FYB1: variants seen among roughly 807,000 people sequenced by gnomAD.
The protein encoded by FYB1 is FYN binding protein 1.
Under a neutral mutation model 94.1 loss-of-function variants are expected in FYB1, and 41 were observed. That is an observed-to-expected ratio of 0.44 (90% CI 0.34 to 0.57). The LOEUF (loss-of-function observed/expected upper bound fraction) is 0.57. Among genes scored for constraint, FYB1 ranks in the 20% least tolerant of loss-of-function variants. The pLI, the probability that FYB1 is intolerant of heterozygous loss-of-function variation, is 0.02. For missense variants in FYB1, 1,050 were observed against 976.8 expected, an observed-to-expected ratio of 1.07 and a Z score of -1.00; for synonymous variants, 367 against 353.2, an observed-to-expected ratio of 1.04 and a Z score of -0.44.
chr5:39,127,789 G>T lies in FYB1; in HGVS notation c.1859C>A (p.Pro620Gln). Residue 620 changes from proline to glutamine, a missense_variant, in exon 11 of 19, where the codon CCA becomes CAA. Transcript: ENST00000512982. ...AATCCCATCATAAATGTCATCATCT[G>T]GTGGTGGAGGGAATATCCCTTCATT... ...SGSGGIFPPP[P>Q]DDDIYDGIEE... The T allele has an allele frequency of 6.2e-7, 1 of 1,603,166 alleles. No homozygotes were observed. Among genetic ancestry groups the T allele is most frequent in the Non-Finnish European group, 8.5e-7 (1 of 1,174,676 alleles).
chr5:39,260,542 GA>G (rs1752168564), intron 1 of FYB1, among the ~76,000 whole-genome samples: 1 of 152,022 alleles, frequency 6.6e-6, no homozygotes, highest in South Asian at 2.1e-4. Context: ...AGAACATAAA[GA>G]TTTTAAAGGA....
At chr5:39,132,299 A>G (rs1176532245) in intron 9 of FYB1, among the ~76,000 whole-genome samples, 1 of 152,202 alleles carries the variant, frequency 6.6e-6, no homozygotes, top group Admixed American at 6.5e-5. Flanking sequence ...TGCCGGCTAC[A>G]CTCAGCATCT....
chr5:39,141,960 C>G (rs971754242), intron 3 of FYB1, among the ~76,000 whole-genome samples: 1 of 152,154 alleles, frequency 6.6e-6, no homozygotes, highest in Non-Finnish European at 1.5e-5. Flanking sequence ...CTTTTATCAC[C>G]CTGAACTCCA....
Position 39,203,713 on chromosome 5 carries a change from G to A in FYB1, c.-27-726C>T, listed in dbSNP as rs141724046. ...GGTTATGGTCTGGAGGCACAAGGGG[G>A]AAGATAAGGAAGAGGTAATAGGGAC... is the stretch of plus-strand genomic sequence containing the variant. On this transcript the variant is annotated intron_variant, in intron 1 of 18. Coordinates refer to ENST00000512982, the MANE Select transcript of FYB1 (RefSeq NM_001465.6). Among the ~76,000 whole-genome samples, 1,123 of 152,266 alleles carry A rather than the reference G, an allele frequency of 7.4e-3. 17 individuals carry two copies. The highest frequency in any genetic ancestry group is 0.033 in the Admixed American group (509 of 15,292).
rs998461874 is a variant in FYB1 at position 39,106,744 on chromosome 5, T to G, written c.*699A>C. On this transcript the variant is annotated 3_prime_UTR_variant, in exon 19 of 19. Coordinates refer to ENST00000512982, the MANE Select transcript of FYB1 (RefSeq NM_001465.6). ...AGCACAGAATTAAACCATTAGTATG[T>G]GAATCTGCAAAAAGAGAACTTGTTT... is the stretch of plus-strand genomic sequence containing the variant. The G allele has an allele frequency of 7.9e-5, 12 of 152,080 alleles. No homozygotes were observed. Among genetic ancestry groups the G allele is most frequent in the Admixed American group, 6.5e-4 (10 of 15,270 alleles). 9.4% of individuals were successfully genotyped at this position (152,080 alleles called of 1,614,324 possible). A position where few individuals can be genotyped will look rare whatever the true frequency, so the allele number is the denominator to read the frequency against.
intron 2 of FYB1, among the ~76,000 whole-genome samples, chr5:39,184,200 T>G (rs1746526680): frequency 6.6e-6 from 1 of 152,204 alleles, no homozygotes; most frequent in African/African-American, 2.4e-5. Flanking sequence ...TAAAGCAGAT[T>G]GTTGTCAAAG....
chr5:39,126,250 G>T, intron 11 of FYB1, 115 bp from the exon 12 acceptor site: 1 of 1,118,784 alleles, frequency 8.9e-7, no homozygotes, highest in Non-Finnish European at 1.2e-6. Flanking sequence ...TAATCATTCA[G>T]GCAGTAAATA....
intron 2 of FYB1, among the ~76,000 whole-genome samples, chr5:39,163,821 A>G (rs1744478428): frequency 6.8e-6 from 1 of 146,008 alleles, no homozygotes; most frequent in Admixed American, 7.2e-5. Flanking sequence ...CCTCTAAGAT[A>G]CAACATATTT....
rs1325156168 is a variant in FYB1 at position 39,126,047 on chromosome 5, T to C, written c.1996A>G (p.Ile666Val). 1.2e-6 allele frequency: 2 copies of C among 1,613,562 alleles called. No individual in the cohort carries two copies. The highest frequency in any genetic ancestry group is 1.7e-5 in the Admixed American group (1 of 59,948). Residue 666 changes from isoleucine (I) to valine (V), a missense_variant, in exon 12 of 19, where the codon ATA becomes GTA. By Grantham distance (29) the Ile-to-Val change is conservative. Coordinates refer to ENST00000512982, the MANE Select transcript of FYB1 (RefSeq NM_001465.6). ...TCAGAGACTTTAGGTTTCTCTCGTA[T>C]ACTTTTCTTTCTGTCATCTTTTCCC... ...LKGKDDRKKS[I>V]REKPKVSDSD...
At chr5:39,123,313 T>A (rs957658258) in intron 13 of FYB1, among the ~76,000 whole-genome samples, 2 of 152,152 alleles carry the variant, frequency 1.3e-5, no homozygotes, top group African/African-American at 4.8e-5. Context: ...CTCAGCTGCG[T>A]GAAAAATAAA....
In FYB1 at chr5:39,271,593, T is replaced by C. The variant is rs149639132; in HGVS notation, c.-28+2810A>G. ...ATGATGCTGACCAAACACTAATTAA[T>C]CCTATATCCATACAAAATCCTTTTT... On this transcript the variant is annotated intron_variant, in intron 1 of 1. Coordinates refer to the FYB1 transcript ENST00000510188. Among the ~76,000 whole-genome samples, 150 of 152,344 alleles carry C rather than the reference T, an allele frequency of 9.8e-4. 1 individual carries two copies. Among genetic ancestry groups the C allele is most frequent in the African/African-American group, 3.5e-3 (144 of 41,572 alleles).
At chr5:39,183,542 C>A (rs990697010) in intron 2 of FYB1, among the ~76,000 whole-genome samples, 1 of 152,106 alleles carries the variant, frequency 6.6e-6, no homozygotes, top group Non-Finnish European at 1.5e-5. Context: ...TGAGGCAAGC[C>A]CAGCATCTAC....
intron 2 of FYB1, among the ~76,000 whole-genome samples, chr5:39,195,855 A>T (rs1473605024): frequency 3.9e-5 from 6 of 152,222 alleles, no homozygotes; most frequent in African/African-American, 1.4e-4. Context: ...CCCAAAAGGA[A>T]GCAAAGGAAA....
intron 2 of FYB1, among the ~76,000 whole-genome samples, chr5:39,183,649 C>A (rs1384094838): frequency 6.6e-6 from 1 of 152,014 alleles, no homozygotes; most frequent in Non-Finnish European, 1.5e-5. Flanking sequence ...CTCTATGTGT[C>A]CCTAAAAAAA....
rs965899879 is a variant in FYB1 at position 39,203,001 on chromosome 5, G to T, written c.-27-14C>A. 2.5e-6 allele frequency: 4 copies of T among 1,606,146 alleles called. No individual in the cohort carries two copies. The Admixed American group carries it at 5.1e-5, about 20-fold the overall frequency. On this transcript the variant is annotated splice_polypyrimidine_tract_variant and intron_variant, in intron 1 of 18. Coordinates refer to ENST00000512982, the MANE Select transcript of FYB1 (RefSeq NM_001465.6). The stretch of plus-strand genomic sequence containing the variant: ...TGCCTTTCCATCCTACAAACATAGG[G>T]AACAAAAAATAGCTGAGAGACAAAA...
chr5:39,205,076 G>A (rs144965071), intron 1 of FYB1, among the ~76,000 whole-genome samples: 3 of 152,158 alleles, frequency 2.0e-5, no homozygotes, highest in East Asian at 3.9e-4. Context: ...AGTTGCAGAG[G>A]ACCCCAAACG....
At chr5:39,187,694 G>A (rs1157089770) in intron 2 of FYB1, among the ~76,000 whole-genome samples, 1 of 152,196 alleles carries the variant, frequency 6.6e-6, no homozygotes, top group Non-Finnish European at 1.5e-5. Flanking sequence ...TCTTGGGCAG[G>A]ACTGTGGGCT....
At chr5:39,210,507 C>A (rs1329735394) in intron 1 of FYB1, among the ~76,000 whole-genome samples, 3 of 152,160 alleles carry the variant, frequency 2.0e-5, no homozygotes, top group African/African-American at 7.2e-5. Context: ...CAAATGCTGG[C>A]GCCTTGTATT....
intron 13 of FYB1, among the ~76,000 whole-genome samples, chr5:39,124,011 C>T (rs1358201407): frequency 6.6e-6 from 1 of 152,114 alleles, no homozygotes; most frequent in African/African-American, 2.4e-5. Context: ...CCACTTATCC[C>T]TAACCCAATA....
Sources: allele counts gnomAD v4.1 joint callset (sites outside exome capture counted in the v4.1 genomes callset), GRCh38; gene constraint gnomAD v4.1.1; transcripts MANE v1.5; gene names NCBI Gene and HGNC (gene_info 2026-07-23, HGNC 2026-07-21).